Variants in HEPHL1 observed in about 807,000 individuals in gnomAD.
HEPHL1 encodes the protein hephaestin like 1.
Under a neutral mutation model 122.0 loss-of-function variants are expected in HEPHL1, and 123 were observed. The ratio of observed to expected loss-of-function variants is 1.01; its 90% CI spans 0.87 to 1.17. The LOEUF is 1.17. Among genes scored for constraint, HEPHL1 ranks in the 50% most tolerant of loss-of-function variants. The pLI is 0.00. For missense variants in HEPHL1, 1,452 were observed against 1,430.5 expected (o/e 1.01, Z -0.24); for synonymous variants, 527 against 508.9 (o/e 1.04, Z -0.48).
chr11:94,072,603 T>C (rs1159927294), intron 6 of HEPHL1, among the ~76,000 whole-genome samples: 1 of 152,120 alleles, frequency 6.6e-6, no homozygotes. Context: ...AGACACTCCA[T>C]TCCTTAATAA....
chr11:94,061,471 G>T (rs1315810439), intron 2 of HEPHL1, among the ~76,000 whole-genome samples: 1 of 152,170 alleles, frequency 6.6e-6, no homozygotes, highest in African/African-American at 2.4e-5. Context: ...TGGTCAAAGA[G>T]TATGATGTGA....
At chr11:94,043,843 T>G (rs1945809269) in intron 1 of HEPHL1, among the ~76,000 whole-genome samples, 1 of 152,022 alleles carries the variant, frequency 6.6e-6, no homozygotes, top group African/African-American at 2.4e-5. Flanking sequence ...TAACTCTCCC[T>G]TCCAGAATAG....
rs761921362 is a variant in HEPHL1 at position 94,067,757 on chromosome 11, A to G, written c.1063+7A>G. 2 of 1,612,998 alleles carry G rather than the reference A, an allele frequency of 1.2e-6. No individual in the cohort carries two copies. Among genetic ancestry groups the G allele is most frequent in the Non-Finnish European group, 1.7e-6 (2 of 1,179,484 alleles). ...GTCAGCGACCACCTACAAGGTAAAA[A>G]GGATAAAGACCAGAGTTGATATGTT... is the stretch of plus-strand genomic sequence containing the variant. On this transcript the variant is annotated splice_region_variant and intron_variant, in intron 5 of 19. Coordinates refer to ENST00000315765, the MANE Select transcript of HEPHL1 (RefSeq NM_001098672.2).
chr11:94,088,875 C>T lies in HEPHL1; in HGVS notation c.2201C>T (p.Thr734Ile), dbSNP rs776079231. The change falls in exon 12 of 20, where the codon ACT (threonine) becomes ATT (isoleucine). Residue 734 changes from threonine to isoleucine, a missense_variant. Physicochemically the swap from Thr to Ile is moderately conservative, Grantham distance 89. Transcript: ENST00000315765. Reference protein sequence around the residue: ...PSEQRYGMIRTFYIAAEEVEW... With the variant: ...PSEQRYGMIRIFYIAAEEVEW... ...GAGCAGCGGTACGGGATGATAAGAA[C>T]TTTTTACATCGCCGCTGAAGAAGTA... 4.3e-6 allele frequency: 7 copies of T among 1,613,816 alleles called. No individual in the cohort carries two copies. Among genetic ancestry groups the T allele is most frequent in the Non-Finnish European group, 4.2e-6 (5 of 1,179,892 alleles).
chr11:94,052,903 G>A (rs1212494530), intron 2 of HEPHL1, among the ~76,000 whole-genome samples: 1 of 152,056 alleles, frequency 6.6e-6, no homozygotes, highest in Non-Finnish European at 1.5e-5. Flanking sequence ...GAATTTTTGT[G>A]TCTAAGTCAT....
At chr11:94,093,428 CT>C in intron 12 of HEPHL1, 72 bp from the exon 13 acceptor site, 1 of 1,560,220 alleles carries the variant, frequency 6.4e-7, no homozygotes. Context: ...CAGAATACCC[CT>C]GAATCACTTA....
chr11:94,073,284 C>T (rs780125027), intron 7 of HEPHL1, 24 bp from the exon 8 acceptor site: 1 of 1,609,052 alleles, frequency 6.2e-7, no homozygotes, highest in South Asian at 1.1e-5. Context: ...TCTCTTCTCT[C>T]TCTTCTTCTG....
At chr11:94,088,156 T>G (rs776274381) in intron 11 of HEPHL1, among the ~76,000 whole-genome samples, 10 of 152,188 alleles carry the variant, frequency 6.6e-5, no homozygotes, top group Non-Finnish European at 1.0e-4. Context: ...TGTAGAAAAA[T>G]CTAATTGATT....
At chr11:94,067,872 T>A in intron 5 of HEPHL1, 122 bp downstream of exon 5, 2 of 761,216 alleles carry the variant, frequency 2.6e-6, no homozygotes, top group South Asian at 3.8e-5. Context: ...TTTAATTAGG[T>A]AATAAATATA....
chr11:94,070,239 A>T (rs7119800), intron 5 of HEPHL1, 135 bp from the exon 6 acceptor site: 82,142 of 722,580 alleles, frequency 0.11, 5,218 homozygotes, highest in Admixed American at 0.16. Context: ...TATCCTTTTT[A>T]AAAAAACTTT....
chr11:94,093,382 G>T (rs1946277843), intron 12 of HEPHL1, 119 bp from the exon 13 acceptor site: 5 of 1,095,234 alleles, frequency 4.6e-6, no homozygotes, highest in African/African-American at 3.2e-5. Context: ...TCCCCAGGGA[G>T]CACTTGATCA....
intron 1 of HEPHL1, among the ~76,000 whole-genome samples, chr11:94,041,869 CA>C (rs1945783713): frequency 2.0e-5 from 1 of 49,248 alleles, no homozygotes; most frequent in Non-Finnish European, 3.8e-5. Flanking sequence ...CCAAAATTGA[CA>C]AATGGGATCT....
At chr11:94,054,832 T>G (rs1405505408) in intron 2 of HEPHL1, among the ~76,000 whole-genome samples, 2 of 152,158 alleles carry the variant, frequency 1.3e-5, no homozygotes, top group Non-Finnish European at 2.9e-5. Context: ...AAAAAAGTCT[T>G]TGAATATGCG....
rs1301252053 is a variant in HEPHL1 at position 94,112,182 on chromosome 11, C to T, written c.*288C>T. 5.6e-5 allele frequency: 16 copies of T among 285,348 alleles called. No homozygotes were observed. Among genetic ancestry groups the T allele is most frequent in the Non-Finnish European group, 9.7e-5 (15 of 155,214 alleles). The allele number at this position is 285,348 out of a possible 1,614,324, so 17.7% of individuals were successfully genotyped here. On this transcript the variant is annotated 3_prime_UTR_variant, in exon 20 of 20. Transcript: ENST00000315765. ...TTGGTTGGATTCACTGAATAGGAGA[C>T]ACTCTGAAAGATATCTTTATATTCC...
chr11:94,103,807 G>A (rs1033529504), intron 15 of HEPHL1, among the ~76,000 whole-genome samples: 1 of 152,134 alleles, frequency 6.6e-6, no homozygotes, highest in Admixed American at 6.5e-5. Context: ...AGTTATACTG[G>A]ACAGTTCTAG....
At chr11:94,038,200 C>T (rs1340180855) in intron 1 of HEPHL1, among the ~76,000 whole-genome samples, 1 of 151,038 alleles carries the variant, frequency 6.6e-6, no homozygotes, top group Non-Finnish European at 1.5e-5. Context: ...AGCAAAGCCT[C>T]CAAGAAATAT....
intron 2 of HEPHL1, among the ~76,000 whole-genome samples, chr11:94,049,416 G>A (rs1341536273): frequency 3.3e-5 from 5 of 151,946 alleles, no homozygotes; most frequent in East Asian, 3.9e-4. Context: ...AATTAGTACA[G>A]CCACTACGGA....
chr11:94,079,842 G>T (rs1297833689), intron 9 of HEPHL1, among the ~76,000 whole-genome samples: 2 of 152,160 alleles, frequency 1.3e-5, no homozygotes, highest in African/African-American at 4.8e-5. Context: ...AGAGCATGCA[G>T]CAGGATGAAG....
intron 1 of HEPHL1, among the ~76,000 whole-genome samples, chr11:94,030,376 A>G (rs1192221986): frequency 6.6e-6 from 1 of 152,218 alleles, no homozygotes; most frequent in African/African-American, 2.4e-5. Context: ...GAATCCTGAA[A>G]AACAGAAGTG....
Sources: gnomAD v4.1 joint callset for allele counts (sites outside exome capture counted in the v4.1 genomes callset) on GRCh38, gnomAD v4.1.1 for gene constraint, MANE v1.5 for transcripts, NCBI Gene and HGNC (gene_info 2026-07-23, HGNC 2026-07-21) for gene names.